Variants in FYN observed in about 807,000 individuals in gnomAD.
The protein encoded by FYN is tyrosine-protein kinase Fyn.
A neutral mutation model predicts 70.2 loss-of-function variants in FYN; 10 were observed. The ratio of observed to expected loss-of-function variants is 0.14; its 90% CI spans 0.09 to 0.24. The LOEUF is 0.24. Ranked by LOEUF, FYN falls within the 10% of genes least tolerant of loss-of-function variation. The pLI, the probability that FYN is intolerant of heterozygous loss-of-function variation, is 1.00. For synonymous variants in FYN, 236 were observed against 248.6 expected (o/e 0.95, Z 0.48); for missense variants, 319 against 673.1 (o/e 0.47, Z 5.82).
At chr6:111,789,707 A>G (rs1199197991) in intron 2 of FYN, among the ~76,000 whole-genome samples, 5 of 152,194 alleles carry the variant, frequency 3.3e-5, no homozygotes, top group Non-Finnish European at 5.9e-5. Flanking sequence ...AGAAAATAAA[A>G]CAAAAACTCT....
At chr6:111,749,981 T>C (rs529193086) in intron 3 of FYN, among the ~76,000 whole-genome samples, 7 of 152,224 alleles carry the variant, frequency 4.6e-5, no homozygotes, top group African/African-American at 1.7e-4. Context: ...TCTGTAGAAT[T>C]TCCCTGTTAC....
At chr6:111,735,122 T>C (rs934984032) in intron 3 of FYN, among the ~76,000 whole-genome samples, 7 of 152,226 alleles carry the variant, frequency 4.6e-5, no homozygotes, top group East Asian at 1.9e-4. Context: ...TGGAACACCA[T>C]GATACCCTCA....
intron 3 of FYN, among the ~76,000 whole-genome samples, chr6:111,720,314 C>G (rs1407042033): frequency 6.6e-6 from 1 of 152,160 alleles, no homozygotes; most frequent in East Asian, 1.9e-4. Context: ...CATGCAGCAA[C>G]TTTCCTCGAA....
At chr6:111,846,909 C>T (rs1355429430) in intron 1 of FYN, among the ~76,000 whole-genome samples, 1 of 152,090 alleles carries the variant, frequency 6.6e-6, no homozygotes, top group African/African-American at 2.4e-5. Flanking sequence ...TGTGTGTACA[C>T]ACACACATAC....
intron 3 of FYN, among the ~76,000 whole-genome samples, chr6:111,756,383 C>T (rs1477778482): frequency 1.3e-5 from 2 of 150,518 alleles, no homozygotes; most frequent in East Asian, 1.9e-4. Context: ...AACCAATAAA[C>T]ACTAGGTTCA....
intron 3 of FYN, among the ~76,000 whole-genome samples, chr6:111,742,565 T>C (rs1802025145): frequency 6.6e-6 from 1 of 152,162 alleles, no homozygotes; most frequent in South Asian, 2.1e-4. Flanking sequence ...GTGAAGTAAG[T>C]GGGAGAGGGG....
intron 2 of FYN, among the ~76,000 whole-genome samples, chr6:111,824,025 A>C (rs564130250): frequency 2.6e-4 from 39 of 152,358 alleles, no homozygotes; most frequent in African/African-American, 8.9e-4. Flanking sequence ...TGGATATAGA[A>C]TACTCAGAAG....
intron 1 of FYN, 22 bp from the exon 2 acceptor site, chr6:111,846,651 A>AT: frequency 2.5e-6 from 1 of 398,912 alleles, no homozygotes; most frequent in South Asian, 1.3e-4. Flanking sequence ...GAAAAAAAAA[A>AT]GTGAGACATC....
intron 3 of FYN, among the ~76,000 whole-genome samples, chr6:111,763,542 G>A (rs4945891): frequency 0.015 from 2,313 of 152,180 alleles, 109 homozygotes; most frequent in Admixed American, 0.095. Context: ...GACAAAGTTT[G>A]CTTTTGTTGG....
chr6:111,869,177 T>TG (rs1264848943), intron 1 of FYN, among the ~76,000 whole-genome samples: 1 of 152,228 alleles, frequency 6.6e-6, no homozygotes, highest in Non-Finnish European at 1.5e-5. Flanking sequence ...ACCCTGCTCA[T>TG]GGAGATTTGG....
chr6:111,790,247 TACACACACACACAC>T lies in FYN; in HGVS notation c.-81-9626_-81-9613del, dbSNP rs61565042. On this transcript the variant is annotated intron_variant, in intron 2 of 13. Coordinates refer to ENST00000354650, the MANE Select transcript of FYN (RefSeq NM_002037.5). Reference sequence around the variant, plus strand: ...GTTATTGGTAGTTCTGAACCTTAGATACACACACACACACACACACACACACACACACACACACA... The same window carrying T: ...GTTATTGGTAGTTCTGAACCTTAGATACACACACACACACACACACACACA... Among the ~76,000 whole-genome samples, 592 of 125,950 alleles carry T rather than the reference TACACACACACACAC, an allele frequency of 4.7e-3. 6 individuals are homozygous for T. Among genetic ancestry groups the T allele is most frequent in the East Asian group, 0.023 (92 of 4,068 alleles). The allele number at this position is 125,950 out of a possible 152,430, so 82.6% of individuals were successfully genotyped here.
chr6:111,827,083 C>A (rs974940144), intron 2 of FYN, among the ~76,000 whole-genome samples: 1 of 152,030 alleles, frequency 6.6e-6, no homozygotes. Flanking sequence ...GGGCAAGAGT[C>A]GGCCAACGAG....
At position 111,714,290 on chromosome 6, in the gene FYN, C is replaced by A. The variant is rs942841800; in HGVS notation, c.344+57G>T. On this transcript the variant is annotated intron_variant, in intron 5 of 13. Coordinates refer to ENST00000354650, the MANE Select transcript of FYN (RefSeq NM_002037.5). ...TCTGAAGAGATGCAGACCAGAAATG[C>A]AAGACCCCTTCCCAACCTGAAAGGT... 6 of 1,140,768 alleles carry A rather than the reference C, an allele frequency of 5.3e-6. No individual in the cohort carries two copies. The African/African-American group carries it at 7.6e-5, about 15-fold the overall frequency. 70.7% of individuals were successfully genotyped at this position (1,140,768 alleles called of 1,614,324 possible). A position where few individuals can be genotyped will look rare whatever the true frequency, so the allele number is the denominator to read the frequency against.
At chr6:111,826,729 G>A (rs1387438521) in intron 2 of FYN, among the ~76,000 whole-genome samples, 1 of 152,202 alleles carries the variant, frequency 6.6e-6, no homozygotes, top group Non-Finnish European at 1.5e-5. Flanking sequence ...ATTTACTCAT[G>A]TATTAATATT....
intron 2 of FYN, among the ~76,000 whole-genome samples, chr6:111,837,061 A>G (rs1773209791): frequency 6.6e-6 from 1 of 152,208 alleles, no homozygotes. Flanking sequence ...CATATATAAA[A>G]AAAACACTCC....
chr6:111,816,884 T>A (rs1173056970), intron 2 of FYN, among the ~76,000 whole-genome samples: 1 of 152,196 alleles, frequency 6.6e-6, no homozygotes, highest in African/African-American at 2.4e-5. Context: ...AAATCAGCAA[T>A]AACCTAAATA....
At chr6:111,774,350 T>C (rs750515972) in intron 3 of FYN, among the ~76,000 whole-genome samples, 5 of 152,198 alleles carry the variant, frequency 3.3e-5, no homozygotes, top group Non-Finnish European at 5.9e-5. Flanking sequence ...TGGATTCAGA[T>C]AGTGCGGGTG....
Position 111,694,203 on chromosome 6 carries a change from C to A in FYN, c.1273+172G>T, listed in dbSNP as rs1425222343. Among the ~76,000 whole-genome samples the A allele has an allele frequency of 6.6e-6, 1 of 152,148 alleles. No homozygotes were observed. The highest frequency in any genetic ancestry group is 2.4e-5 in the African/African-American group (1 of 41,424). ...CCCTCCACTGGGCCCACAACAGTCT[C>A]CCACCTGCAGAGCTGTCAAATTCCT... On this transcript the variant is annotated intron_variant, in intron 12 of 13. Transcript: ENST00000354650. The surrounding 1 kb of genome is among the most constrained non-coding windows in gnomAD (Gnocchi z 5.0).
rs774471526 is a variant in FYN at position 111,708,015 on chromosome 6, C to A, written c.350G>T (p.Gly117Val). 6.2e-7 allele frequency: 1 copy of A among 1,612,248 alleles called. No individual in the cohort carries two copies. The highest frequency in any genetic ancestry group is 8.5e-7 in the Non-Finnish European group (1 of 1,178,380). ...CAAGGAGCGGGCTTCCCACCAATCT[C>A]CTTCCCTGTAAATAAAAAAGAAAAG... ...EKFQILNSSEGDWWEARSLTT... is the reference protein window; with the variant it reads ...EKFQILNSSEVDWWEARSLTT... The change falls in exon 6 of 14, where the codon GGA becomes GTA. Residue 117 changes from glycine (G) to valine (V), a missense_variant. Gly to Val is a moderately radical substitution (Grantham distance 109). This residue lies in a region of FYN where 128 missense variants were observed against 183.9 expected (regional missense o/e 0.70). Transcript: ENST00000354650.
Sources: gnomAD v4.1 joint callset for allele counts (sites outside exome capture counted in the v4.1 genomes callset) on GRCh38, gnomAD v4.1.1 for gene constraint, gnomAD v4.1.1 regional missense constraint, Gnocchi (gnomAD v3.1) non-coding constraint, MANE v1.5 for transcripts, NCBI Gene and HGNC (gene_info 2026-07-23, HGNC 2026-07-21) for gene names.